Variants in RHOJ observed in about 807,000 individuals in gnomAD.
RHOJ encodes rho-related GTP-binding protein RhoJ.
RHOJ carries 11 observed loss-of-function variants against 23.4 expected under a neutral mutation model. That is an observed-to-expected ratio of 0.47 (90% CI 0.30 to 0.78). The LOEUF (loss-of-function observed/expected upper bound fraction) is 0.78, where lower values mean the gene tolerates loss of function less well. RHOJ is among the 30% of genes least tolerant of loss of function. The probability of loss-of-function intolerance (pLI) is 0.08; values close to 1 mark genes in which losing one functional copy is unlikely to be tolerated. For synonymous variants in RHOJ, 102 were observed against 102.7 expected, an observed-to-expected ratio of 0.99 and a Z score of 0.04; for missense variants, 254 against 273.4, an observed-to-expected ratio of 0.93 and a Z score of 0.50.
At chr14:63,206,168 C>T (rs1206774484) in intron 1 of RHOJ, among the ~76,000 whole-genome samples, 1 of 152,188 alleles carries the variant, frequency 6.6e-6, no homozygotes, top group Non-Finnish European at 1.5e-5. Context: ...ACCTAAGTCA[C>T]TGCTTCCCCC....
Position 63,274,955 on chromosome 14 carries a change from T to C in RHOJ, c.237+5787T>C, listed in dbSNP as rs1881671281. On this transcript the variant is annotated intron_variant, in intron 2 of 4. Coordinates refer to ENST00000316754, the MANE Select transcript of RHOJ (RefSeq NM_020663.5). ...CCCAAGACTTGGAAGCAGAATTCTA[T>C]TTCCAAATTAATGTGGGTATGGCGG... 2.0e-5 allele frequency among the ~76,000 whole-genome samples: 3 copies of C among 152,196 alleles called. No homozygotes were observed. The South Asian group carries it at 6.2e-4, about 31-fold the overall frequency.
At chr14:63,288,395 T>A in intron 4 of RHOJ, 1 of 937,786 alleles carries the variant, frequency 1.1e-6, no homozygotes, top group Non-Finnish European at 1.3e-6. Flanking sequence ...AGTGGAGAGG[T>A]ATTCCAGATA....
At chr14:63,223,253 A>G (rs1035961508) in intron 1 of RHOJ, among the ~76,000 whole-genome samples, 2 of 152,196 alleles carry the variant, frequency 1.3e-5, no homozygotes, top group Non-Finnish European at 1.5e-5. Flanking sequence ...GGTCTAGGAA[A>G]GAGGTCCTGT....
Position 63,291,001 on chromosome 14 carries a change from C to A in RHOJ, c.622C>A (p.His208Asn). The A allele has an allele frequency of 6.2e-7, 1 of 1,614,168 alleles. No individual in the cohort carries two copies. The highest frequency in any genetic ancestry group is 1.1e-5 in the South Asian group (1 of 91,074). ...KKKKKRCSEG[H>N]SCCSII The stretch of plus-strand genomic sequence containing the variant: ...AAAGAAGAAACGCTGTTCTGAGGGT[C>A]ACAGCTGCTGTTCAATTATCTGAGG... The change falls in exon 5 of 5, where the codon CAC (histidine) becomes AAC (asparagine). Residue 208 changes from histidine (H) to asparagine (N), a missense_variant. Transcript: ENST00000316754.
chr14:63,283,296 A>G, intron 4 of RHOJ, 80 bp downstream of exon 4: 2 of 1,186,876 alleles, frequency 1.7e-6, no homozygotes, highest in Non-Finnish European at 2.5e-6. Flanking sequence ...GGTGTGCAAC[A>G]CTGGGTTTTG....
chr14:63,220,263 A>G (rs1427893277), intron 1 of RHOJ, among the ~76,000 whole-genome samples: 1 of 152,124 alleles, frequency 6.6e-6, no homozygotes. Context: ...GCTAGGATTC[A>G]TTAGTATCCT....
chr14:63,250,749 A>G (rs1255418743), intron 1 of RHOJ, among the ~76,000 whole-genome samples: 2 of 152,162 alleles, frequency 1.3e-5, no homozygotes, highest in African/African-American at 2.4e-5. Flanking sequence ...GTGAGCCTCT[A>G]GAGGCTGGGT....
chr14:63,281,952 G>T (rs1178598281), intron 3 of RHOJ, among the ~76,000 whole-genome samples: 1 of 152,078 alleles, frequency 6.6e-6, no homozygotes, highest in African/African-American at 2.4e-5. Context: ...TTGAACAAGA[G>T]AATTTTTTAA....
chr14:63,225,662 G>A (rs768490000), intron 1 of RHOJ, among the ~76,000 whole-genome samples: 1 of 152,138 alleles, frequency 6.6e-6, no homozygotes, highest in South Asian at 2.1e-4. Flanking sequence ...AGACTCTAAC[G>A]TATTTTGAAA....
intron 4 of RHOJ, 30 bp downstream of exon 4, chr14:63,283,246 T>C (rs757969299): frequency 6.4e-7 from 1 of 1,554,914 alleles, no homozygotes; most frequent in East Asian, 2.2e-5. Context: ...TCATTTTAAA[T>C]GTATGCTGAG....
intron 2 of RHOJ, among the ~76,000 whole-genome samples, chr14:63,275,697 C>T (rs989812252): frequency 2.6e-5 from 4 of 152,184 alleles, no homozygotes; most frequent in African/African-American, 7.2e-5. Context: ...TAGATTAAAA[C>T]GCTGTCTCTT....
intron 1 of RHOJ, among the ~76,000 whole-genome samples, chr14:63,218,001 T>C (rs566092897): frequency 6.6e-6 from 1 of 152,324 alleles, no homozygotes; most frequent in Non-Finnish European, 1.5e-5. Context: ...CCCCTGGGTA[T>C]GCAAGTTAAT....
At chr14:63,251,890 G>A (rs1002729332) in intron 1 of RHOJ, among the ~76,000 whole-genome samples, 2 of 152,080 alleles carry the variant, frequency 1.3e-5, no homozygotes, top group Non-Finnish European at 2.9e-5. Context: ...GGAGGCCGAG[G>A]CAGGCTGATC....
In RHOJ at chr14:63,280,819, T is replaced by C; in HGVS notation, c.238-152T>C. ...TTTTTCTGACTGATGGCTCCTTTAG[T>C]TCTAGTAGAGAAAGAACTACCAGAT... On this transcript the variant is annotated intron_variant, in intron 2 of 4. Transcript: ENST00000316754. 5 of 631,008 alleles carry C rather than the reference T, an allele frequency of 7.9e-6. No homozygotes were observed. The South Asian group carries it at 1.5e-4, about 19-fold the overall frequency. The allele number at this position is 631,008 out of a possible 1,614,324, so 39.1% of individuals were successfully genotyped here. A position where few individuals can be genotyped will look rare whatever the true frequency, so the allele number is the denominator to read the frequency against.
intron 1 of RHOJ, among the ~76,000 whole-genome samples, chr14:63,263,953 C>T (rs940561947): frequency 6.6e-6 from 1 of 151,594 alleles, no homozygotes; most frequent in African/African-American, 2.4e-5. Flanking sequence ...AGGAACTCAG[C>T]TCAGACACCC....
chr14:63,281,288 AT>A (rs1881892228), intron 3 of RHOJ, among the ~76,000 whole-genome samples, 153 bp downstream of exon 3: 1 of 152,166 alleles, frequency 6.6e-6, no homozygotes, highest in African/African-American at 2.4e-5. Flanking sequence ...GTGCGTGATG[AT>A]TTAGCCCATA....
chr14:63,214,045 A>G (rs944153183), intron 1 of RHOJ, among the ~76,000 whole-genome samples: 9 of 152,208 alleles, frequency 5.9e-5, no homozygotes, highest in African/African-American at 2.2e-4. Flanking sequence ...AATTGCTTAT[A>G]CCAAATACAA....
intron 1 of RHOJ, among the ~76,000 whole-genome samples, chr14:63,246,770 A>G (rs1381532906): frequency 6.6e-6 from 1 of 152,196 alleles, no homozygotes; most frequent in Non-Finnish European, 1.5e-5. Flanking sequence ...ATAAGAAGTC[A>G]GCTTTACTGT....
chr14:63,222,093 C>A (rs149554321), intron 1 of RHOJ, among the ~76,000 whole-genome samples: 1 of 150,828 alleles, frequency 6.6e-6, no homozygotes, highest in African/African-American at 2.4e-5. Flanking sequence ...TTTGTCCTTG[C>A]GATAGTTTGC....
Sources: allele counts gnomAD v4.1 joint callset (sites outside exome capture counted in the v4.1 genomes callset), GRCh38; gene constraint gnomAD v4.1.1; transcripts MANE v1.5; gene names NCBI Gene and HGNC (gene_info 2026-07-23, HGNC 2026-07-21).